ALK: variants seen among roughly 807,000 people sequenced by gnomAD.
ALK encodes ALK tyrosine kinase receptor.
In ALK, 74 loss-of-function variants were observed where a neutral mutation model predicts 163.1. The ratio of observed to expected loss-of-function variants is 0.45; its 90% CI spans 0.38 to 0.55. ALK has a LOEUF of 0.55. Ranked by LOEUF, ALK falls within the 20% of genes least tolerant of loss-of-function variation. The pLI, the probability that ALK is intolerant of heterozygous loss-of-function variation, is 0.00. For missense variants in ALK, 2,063 were observed against 2,105.3 expected, an observed-to-expected ratio of 0.98 and a Z score of 0.39; for synonymous variants, 960 against 843.2, an observed-to-expected ratio of 1.14 and a Z score of -2.40.
rs564246874 is a variant in ALK, at chr2:29,743,617, C to T, written c.668-25920G>A. On this transcript the variant is annotated intron_variant, in intron 1 of 28. Transcript: ENST00000389048. Reference sequence around the variant, plus strand: ...TTTTGACAAAGTCCCTGAACATGACCCTTAAATTGATTTTAAATCCCTCTT... The same window carrying T: ...TTTTGACAAAGTCCCTGAACATGACTCTTAAATTGATTTTAAATCCCTCTT... 2.6e-4 allele frequency among the ~76,000 whole-genome samples: 40 copies of T among 152,286 alleles called. No homozygotes were observed. The South Asian group carries it at 8.3e-3, about 32-fold the overall frequency.
At chr2:29,607,052 C>A (rs1675560329) in intron 3 of ALK, among the ~76,000 whole-genome samples, 1 of 152,222 alleles carries the variant, frequency 6.6e-6, no homozygotes. Context: ...ATGGGGAGCA[C>A]AGGCAGTGAA....
intron 1 of ALK, among the ~76,000 whole-genome samples, chr2:29,753,070 G>A (rs569882224): frequency 1.3e-5 from 2 of 152,268 alleles, no homozygotes; most frequent in South Asian, 4.1e-4. Flanking sequence ...AAAGGCCTTT[G>A]AATGTCACAC....
chr2:29,541,767 C>G (rs949347932), intron 3 of ALK, among the ~76,000 whole-genome samples: 1 of 152,200 alleles, frequency 6.6e-6, no homozygotes, highest in African/African-American at 2.4e-5. Flanking sequence ...AAAATCTGCA[C>G]TGATGCAACC....
chr2:29,617,590 G>A (rs1161376707), intron 3 of ALK, among the ~76,000 whole-genome samples: 1 of 152,078 alleles, frequency 6.6e-6, no homozygotes, highest in Non-Finnish European at 1.5e-5. Context: ...CCTGACTTTG[G>A]CCCCTGTCCT....
intron 1 of ALK, among the ~76,000 whole-genome samples, chr2:29,741,786 G>A (rs1401699313): frequency 6.6e-6 from 1 of 152,184 alleles, no homozygotes; most frequent in Admixed American, 6.5e-5. Context: ...AGTTGAAGGT[G>A]CCACATAGAT....
At chr2:29,821,766 G>A (rs1010963770) in intron 1 of ALK, among the ~76,000 whole-genome samples, 1 of 152,244 alleles carries the variant, frequency 6.6e-6, no homozygotes, top group South Asian at 2.1e-4. Flanking sequence ...CCATTCCTCA[G>A]GCCTGGGGGA....
At chr2:29,694,460 A>G (rs1464949765) in intron 3 of ALK, among the ~76,000 whole-genome samples, 1 of 152,224 alleles carries the variant, frequency 6.6e-6, no homozygotes, top group Non-Finnish European at 1.5e-5. Context: ...AGTGTGTTCC[A>G]ACTATTGCAT....
chr2:29,324,203 C>G (rs1667176585), intron 6 of ALK, among the ~76,000 whole-genome samples: 1 of 152,204 alleles, frequency 6.6e-6, no homozygotes. Context: ...TGATTCCACT[C>G]TAAGAGAGAC....
intron 1 of ALK, among the ~76,000 whole-genome samples, chr2:29,906,096 C>T (rs1177847542): frequency 2.0e-5 from 3 of 152,028 alleles, no homozygotes; most frequent in African/African-American, 7.2e-5. Context: ...GAATGTTGTC[C>T]TCATCTGGGG....
At position 29,328,534 on chromosome 2, in the gene ALK, C is replaced by T. The variant is rs1009333309; in HGVS notation, c.1283-53G>A. ...GGTAAGTTTGCATGGCCCCAGGCAG[C>T]AGCTGGCCTGATGGGTTGGTCCCAT... is the stretch of plus-strand genomic sequence containing the variant. On this transcript the variant is annotated intron_variant, in intron 5 of 28. Transcript: ENST00000389048. 10 of 1,612,946 alleles carry T rather than the reference C, an allele frequency of 6.2e-6. No individual in the cohort carries two copies. The African/African-American group carries it at 9.3e-5, about 15-fold the overall frequency.
chr2:29,240,152 C>CAGAGAGAGGGAGAGAGAGAG lies in ALK; in HGVS notation c.2205-323_2205-322insCTCTCTCTCTCCCTCTCTCT, dbSNP rs142234574. On this transcript the variant is annotated intron_variant, in intron 12 of 28. Coordinates refer to ENST00000389048, the MANE Select transcript of ALK (RefSeq NM_004304.5). ...GGAGGGGAGAGAGAGAGGGAAACAGCAGAGAGAGAGAGAGAGAGAGAGAGA... is the reference window on the plus strand; with the variant it reads ...GGAGGGGAGAGAGAGAGGGAAACAGCAGAGAGAGGGAGAGAGAGAGAGAGAGAGAGAGAGAGAGAGAGAGA... Among the ~76,000 whole-genome samples the CAGAGAGAGGGAGAGAGAGAG allele has an allele frequency of 2.6e-3, 370 of 143,398 alleles. 4 individuals are homozygous for CAGAGAGAGGGAGAGAGAGAG. Among genetic ancestry groups the CAGAGAGAGGGAGAGAGAGAG allele is most frequent in the African/African-American group, 8.5e-3 (331 of 38,784 alleles). The allele number at this position is 143,398 out of a possible 152,430, so 94.1% of individuals were successfully genotyped here.
chr2:29,765,514 G>A (rs529874727), intron 1 of ALK, among the ~76,000 whole-genome samples: 8 of 151,990 alleles, frequency 5.3e-5, no homozygotes, highest in South Asian at 2.1e-4. Flanking sequence ...GTCCCACTAC[G>A]TTGCCCAGGC....
chr2:29,842,426 C>G (rs1246996284), intron 1 of ALK, among the ~76,000 whole-genome samples: 1 of 152,162 alleles, frequency 6.6e-6, no homozygotes. Flanking sequence ...TACTGACCAT[C>G]ATTCTCAGGC....
At chr2:29,880,969 G>A (rs539759101) in intron 1 of ALK, among the ~76,000 whole-genome samples, 8 of 152,238 alleles carry the variant, frequency 5.3e-5, no homozygotes, top group East Asian at 1.9e-4. Context: ...ATCTGGCCCC[G>A]GACAGAGAAA....
At chr2:29,627,532 A>C (rs1183281498) in intron 3 of ALK, among the ~76,000 whole-genome samples, 1 of 151,762 alleles carries the variant, frequency 6.6e-6, no homozygotes, top group Non-Finnish European at 1.5e-5. Flanking sequence ...ATCCAACTTA[A>C]GTCTTATTTC....
At chr2:29,854,726 T>A (rs1666093826) in intron 1 of ALK, among the ~76,000 whole-genome samples, 1 of 152,164 alleles carries the variant, frequency 6.6e-6, no homozygotes, top group Non-Finnish European at 1.5e-5. Flanking sequence ...TCTTTCCACA[T>A]CCCATAATTA....
chr2:29,763,683 C>T (rs541405716), intron 1 of ALK, among the ~76,000 whole-genome samples: 1 of 152,262 alleles, frequency 6.6e-6, no homozygotes, highest in African/African-American at 2.4e-5. Context: ...ATTGAGGGTG[C>T]TGTCCCGCTG....
rs779222532 is a variant in ALK at position 29,220,707 on chromosome 2, G to A, written c.3644C>T (p.Pro1215Leu). The change falls in exon 23 of 29, where the codon CCG becomes CTG. Residue 1215 changes from proline to leucine, a missense_variant and splice_region_variant. Physicochemically the swap from Pro to Leu is moderately conservative, Grantham distance 98 (BLOSUM62 -3). Transcript: ENST00000389048. The part of the protein sequence containing the change: ...KSFLRETRPR[P>L]SQPSSLAMLD... ...CAGCAAAGACTGGTTCTCACTCACCGGGCGAGGGCGGGTCTCTCGGAGGAA... is the reference window on the plus strand; with the variant it reads ...CAGCAAAGACTGGTTCTCACTCACCAGGCGAGGGCGGGTCTCTCGGAGGAA... 1.1e-5 allele frequency: 18 copies of A among 1,613,526 alleles called. No individual in the cohort carries two copies. Among genetic ancestry groups the A allele is most frequent in the East Asian group, 6.7e-5 (3 of 44,858 alleles).
Position 29,344,920 on chromosome 2 carries a change from G to A in ALK, c.1283-16439C>T, listed in dbSNP as rs112442102. Among the ~76,000 whole-genome samples the A allele has an allele frequency of 4.6e-5, 7 of 152,294 alleles. 1 individual carries two copies. Among genetic ancestry groups the A allele is most frequent in the African/African-American group, 1.7e-4 (7 of 41,576 alleles). On this transcript the variant is annotated intron_variant, in intron 5 of 28. Transcript: ENST00000389048. ...CCAGGAACAGATGATGCCATGCTCA[G>A]GGAATAGTGACTTGTCTGTGTGACT...
Sources: gnomAD v4.1 joint callset for allele counts (sites outside exome capture counted in the v4.1 genomes callset) on GRCh38, gnomAD v4.1.1 for gene constraint, MANE v1.5 for transcripts, NCBI Gene and HGNC (gene_info 2026-07-23, HGNC 2026-07-21) for gene names.